Variants in ITGA8 observed in about 807,000 individuals in gnomAD.
The protein encoded by ITGA8 is integrin subunit alpha 8, also known as integrin alpha-8.
ITGA8 carries 91 observed loss-of-function variants against 142.3 expected under a neutral mutation model. The observed-to-expected ratio is 0.64, with a 90% CI of 0.54 to 0.76. The LOEUF (loss-of-function observed/expected upper bound fraction) is 0.76. ITGA8 is among the 30% of genes least tolerant of loss of function. The probability of loss-of-function intolerance (pLI) is 0.00; values close to 1 mark genes in which losing one functional copy is unlikely to be tolerated. For synonymous variants in ITGA8, 505 were observed against 485.2 expected (o/e 1.04, Z -0.54); for missense variants, 1,406 against 1,327.7 (o/e 1.06, Z -0.92).
Position 15,610,597 on chromosome 10 carries a change from G to T in ITGA8, c.1554-2307C>A, listed in dbSNP as rs914505340. Reference sequence around the variant, plus strand: ...TGCTTTTGATATGGCCAGAAGGCAGGGTGATACACTACATGATCTTCTGAG... The same window carrying T: ...TGCTTTTGATATGGCCAGAAGGCAGTGTGATACACTACATGATCTTCTGAG... On this transcript the variant is annotated intron_variant, in intron 15 of 29. Coordinates refer to ENST00000378076, the MANE Select transcript of ITGA8 (RefSeq NM_003638.3). Among the ~76,000 whole-genome samples, 3 of 152,282 alleles carry T rather than the reference G, an allele frequency of 2.0e-5. No individual in the cohort carries two copies. The South Asian group carries it at 6.2e-4, about 32-fold the overall frequency.
At chr10:15,655,092 A>G (rs561047094) in intron 11 of ITGA8, among the ~76,000 whole-genome samples, 203 of 19,396 alleles carry the variant, frequency 0.01, 1 homozygote, top group African/African-American at 0.012. Flanking sequence ...GAATGGCTGA[A>G]GACTATAAAA....
chr10:15,528,898 C>G (rs902928977), intron 28 of ITGA8, among the ~76,000 whole-genome samples: 1 of 152,116 alleles, frequency 6.6e-6, no homozygotes, highest in African/African-American at 2.4e-5. Flanking sequence ...TAAATACCAC[C>G]GAAGTTTACT....
rs1338607474 is a variant in ITGA8, at chr10:15,575,547, G to C, written c.2420C>G (p.Pro807Arg). The C allele has an allele frequency of 6.2e-7, 1 of 1,614,014 alleles. No individual in the cohort carries two copies. The highest frequency in any genetic ancestry group is 8.5e-7 in the Non-Finnish European group (1 of 1,179,928). Residue 807 changes from proline to arginine, a missense_variant, in exon 24 of 30, where the codon CCA (proline) becomes CGA (arginine). Physicochemically the swap from Pro to Arg is moderately radical, Grantham distance 103. Transcript: ENST00000378076. ...QIVLPIHNWE[P>R]EEEPHKEEEV... ...CTCCTCTTTGTGGGGCTCCTCTTCT[G>C]GTTCCCAGTTATGAATGGGCAGAAC...
At chr10:15,656,395 G>A (rs190177117) in intron 10 of ITGA8, among the ~76,000 whole-genome samples, 141 of 151,328 alleles carry the variant, frequency 9.3e-4, no homozygotes, top group African/African-American at 3.3e-3. Flanking sequence ...ATGAAGTCTC[G>A]CTCTGTTGCC....
chr10:15,666,470 AC>A (rs951925844), intron 8 of ITGA8, among the ~76,000 whole-genome samples: 72 of 152,236 alleles, frequency 4.7e-4, no homozygotes, highest in African/African-American at 1.7e-3. Context: ...GCAAACAGGG[AC>A]AATTTGACTT....
chr10:15,683,304 C>CCCATCCAA (rs1376464136), intron 4 of ITGA8, among the ~76,000 whole-genome samples: 1 of 10,400 alleles, frequency 9.6e-5, no homozygotes, highest in Non-Finnish European at 2.7e-4. Flanking sequence ...CACCCATCCA[C>CCCATCCAA]CCACCCACCC....
At chr10:15,637,913 T>C (rs1278305895) in intron 13 of ITGA8, among the ~76,000 whole-genome samples, 1 of 151,988 alleles carries the variant, frequency 6.6e-6, no homozygotes, top group Non-Finnish European at 1.5e-5. Context: ...ATATAAAAAA[T>C]ACATACATAG....
intron 15 of ITGA8, among the ~76,000 whole-genome samples, chr10:15,612,157 C>T (rs933529017): frequency 6.6e-6 from 1 of 152,050 alleles, no homozygotes; most frequent in African/African-American, 2.4e-5. Context: ...GGGCATTTTC[C>T]AACTCTTTTC....
At chr10:15,627,162 A>G (rs1478642448) in intron 13 of ITGA8, among the ~76,000 whole-genome samples, 1 of 152,196 alleles carries the variant, frequency 6.6e-6, no homozygotes, top group African/African-American at 2.4e-5. Flanking sequence ...GTCATATTAC[A>G]AACACAGGCC....
chr10:15,655,464 T>G (rs1588701790), intron 10 of ITGA8, 58 bp from the exon 11 acceptor site: 2 of 1,119,222 alleles, frequency 1.8e-6, no homozygotes, highest in Admixed American at 3.5e-5. Flanking sequence ...TTTGTAGTCA[T>G]GTCTCTATTA....
chr10:15,614,490 A>G (rs1430642850), intron 14 of ITGA8, among the ~76,000 whole-genome samples: 1 of 152,212 alleles, frequency 6.6e-6, no homozygotes, highest in Non-Finnish European at 1.5e-5. Context: ...TGATTATAAT[A>G]TGTAGCCAAA....
At chr10:15,672,277 C>G (rs1195474334) in intron 7 of ITGA8, among the ~76,000 whole-genome samples, 2 of 152,204 alleles carry the variant, frequency 1.3e-5, no homozygotes, top group Admixed American at 1.3e-4. Context: ...ATTCCAGCAA[C>G]TCAAACTTCT....
intron 26 of ITGA8, among the ~76,000 whole-genome samples, chr10:15,553,078 G>A (rs1160038383): frequency 6.6e-6 from 1 of 152,076 alleles, no homozygotes; most frequent in African/African-American, 2.4e-5. Context: ...CCAATGTGGT[G>A]AAACCCCATC....
chr10:15,624,838 T>C (rs953802302), intron 13 of ITGA8, among the ~76,000 whole-genome samples: 11 of 152,280 alleles, frequency 7.2e-5, no homozygotes, highest in African/African-American at 2.6e-4. Context: ...ATGTGTCCAA[T>C]GGTGGGGTTA....
At position 15,517,042 on chromosome 10, in the gene ITGA8, C is replaced by CGTAG; in HGVS notation, c.*115_*116insCTAC. The CGTAG allele has an allele frequency of 1.8e-6, 1 of 564,246 alleles. No homozygotes were observed. The highest frequency in any genetic ancestry group is 2.8e-6 in the Non-Finnish European group (1 of 354,368). 35.0% of individuals were successfully genotyped at this position (564,246 alleles called of 1,614,324 possible). A position where few individuals can be genotyped will look rare whatever the true frequency, so the allele number is the denominator to read the frequency against. ...TGAGGTGATGTTTCCAGGGTCCCCT[C>CGTAG]CATTTCCTGGGTCACTGTCAGGTAT... On this transcript the variant is annotated 3_prime_UTR_variant, in exon 30 of 30. Transcript: ENST00000378076.
At chr10:15,555,159 G>C (rs1833866084) in intron 26 of ITGA8, among the ~76,000 whole-genome samples, 1 of 152,140 alleles carries the variant, frequency 6.6e-6, no homozygotes. Flanking sequence ...ATTTTATCTT[G>C]AATTCAGCAG....
intron 18 of ITGA8, among the ~76,000 whole-genome samples, chr10:15,606,022 C>T (rs1039497834): frequency 6.6e-6 from 1 of 152,192 alleles, no homozygotes; most frequent in African/African-American, 2.4e-5. Context: ...GCAACTCTGC[C>T]TATGGCTTGA....
intron 23 of ITGA8, among the ~76,000 whole-genome samples, chr10:15,578,437 A>G (rs950039282): frequency 3.3e-5 from 5 of 152,066 alleles, no homozygotes; most frequent in African/African-American, 4.8e-5. Flanking sequence ...GTTGTTTGCA[A>G]TTTTTGGCCA....
At chr10:15,533,734 T>A (rs1264729541) in intron 27 of ITGA8, among the ~76,000 whole-genome samples, 2 of 152,248 alleles carry the variant, frequency 1.3e-5, no homozygotes, top group Non-Finnish European at 1.5e-5. Context: ...CTCTTACAGA[T>A]TCTGCATTTA....
Sources: gnomAD v4.1 joint callset for allele counts (sites outside exome capture counted in the v4.1 genomes callset) on GRCh38, gnomAD v4.1.1 for gene constraint, MANE v1.5 for transcripts, NCBI Gene and HGNC (gene_info 2026-07-23, HGNC 2026-07-21) for gene names.